Variants in ADAMTS20 observed in about 807,000 individuals in gnomAD.
ADAMTS20 encodes A disintegrin and metalloproteinase with thrombospondin motifs 20.
ADAMTS20 carries 225 observed loss-of-function variants against 260.1 expected under a neutral mutation model. That is an observed-to-expected ratio of 0.87 (90% confidence interval 0.78 to 0.97). ADAMTS20 has a LOEUF of 0.97. Ranked by LOEUF, ADAMTS20 falls within the 50% of genes least tolerant of loss-of-function variation. The probability of loss-of-function intolerance (pLI) is 0.00; values close to 1 mark genes in which losing one functional copy is unlikely to be tolerated. For missense variants in ADAMTS20, 2,400 were observed against 2,337.7 expected, an observed-to-expected ratio of 1.03 and a Z score of -0.55; for synonymous variants, 802 against 769.5, an observed-to-expected ratio of 1.04 and a Z score of -0.70.
intron 7 of ADAMTS20, among the ~76,000 whole-genome samples, chr12:43,475,750 T>C (rs1323980354): frequency 2.7e-5 from 4 of 150,552 alleles, no homozygotes; most frequent in Non-Finnish European, 5.9e-5. Flanking sequence ...GGGAAAGGAT[T>C]CCCTATTTAA....
chr12:43,408,505 A>G (rs972801882), intron 28 of ADAMTS20, among the ~76,000 whole-genome samples: 12 of 152,230 alleles, frequency 7.9e-5, no homozygotes, highest in African/African-American at 2.9e-4. Context: ...TAACAGCCAT[A>G]AAGCCAAGAA....
At chr12:43,416,058 C>T (rs967303274) in intron 28 of ADAMTS20, among the ~76,000 whole-genome samples, 3 of 152,100 alleles carry the variant, frequency 2.0e-5, no homozygotes, top group African/African-American at 7.2e-5. Flanking sequence ...TTGTCTTATA[C>T]CTCTTTTACT....
At chr12:43,510,927 A>G (rs1468611751) in intron 3 of ADAMTS20, among the ~76,000 whole-genome samples, 1 of 152,084 alleles carries the variant, frequency 6.6e-6, no homozygotes, top group Non-Finnish European at 1.5e-5. Flanking sequence ...AAACATGCAA[A>G]GCTGAATTCA....
chr12:43,496,164 A>T (rs539662079), intron 4 of ADAMTS20, among the ~76,000 whole-genome samples: 1 of 152,338 alleles, frequency 6.6e-6, no homozygotes, highest in Non-Finnish European at 1.5e-5. Flanking sequence ...ATATTAAATG[A>T]TACATAAAAT....
intron 11 of ADAMTS20, among the ~76,000 whole-genome samples, chr12:43,458,806 C>A (rs538401632): frequency 1.3e-5 from 2 of 152,280 alleles, no homozygotes; most frequent in East Asian, 1.9e-4. Context: ...AGAGACAGGA[C>A]TAGCTGGATT....
At chr12:43,448,926 C>A (rs2137344665) in intron 14 of ADAMTS20, among the ~76,000 whole-genome samples, 1 of 151,982 alleles carries the variant, frequency 6.6e-6, no homozygotes, top group East Asian at 1.9e-4. Flanking sequence ...CAAATCAAAA[C>A]CAAAATAAGA....
At position 43,455,870 on chromosome 12, in the gene ADAMTS20, C is replaced by T. The variant is rs565535797; in HGVS notation, c.1615-1818G>A. On this transcript the variant is annotated intron_variant, in intron 11 of 38. Transcript: ENST00000389420. ...ACTACAGGCGCACGCCACCACAACC[C>T]GCTAATTTTTGTATTTTTAGTAGAG... 2.4e-3 allele frequency among the ~76,000 whole-genome samples: 360 copies of T among 151,984 alleles called. 7 individuals are homozygous for T. In the East Asian group the frequency reaches 0.027, roughly 11 times the overall value.
chr12:43,393,229 A>G (rs1940631710), intron 29 of ADAMTS20, among the ~76,000 whole-genome samples: 1 of 152,044 alleles, frequency 6.6e-6, no homozygotes, highest in Non-Finnish European at 1.5e-5. Context: ...CATTATTTTA[A>G]CAGTGTTATA....
At chr12:43,501,763 A>G (rs904459992) in intron 4 of ADAMTS20, among the ~76,000 whole-genome samples, 2 of 152,204 alleles carry the variant, frequency 1.3e-5, no homozygotes, top group Non-Finnish European at 2.9e-5. Flanking sequence ...GAATATAGCC[A>G]TAATAAAAAT....
intron 28 of ADAMTS20, among the ~76,000 whole-genome samples, chr12:43,417,532 C>G (rs1229912013): frequency 1.3e-5 from 2 of 152,080 alleles, no homozygotes; most frequent in East Asian, 3.8e-4. Context: ...AGGATTACAA[C>G]CAGGAAGCGG....
rs764010136 is a variant in ADAMTS20 at position 43,376,593 on chromosome 12, C to T, written c.5056G>A (p.Gly1686Ser). ...KRQVKCITKH[G>S]LSSDLCLNHL... Reference sequence around the variant, plus strand: ...TTTAAACATAAGTCACTGGACAAACCATGTTTGGTAATGCATTTCACTTGT... The same window carrying T: ...TTTAAACATAAGTCACTGGACAAACTATGTTTGGTAATGCATTTCACTTGT... The change falls in exon 33 of 39, where the codon GGT (glycine) becomes AGT (serine). Residue 1686 changes from glycine to serine, a missense_variant. By Grantham distance (56) the Gly-to-Ser change is moderately conservative (BLOSUM62 0). Transcript: ENST00000389420. The T allele has an allele frequency of 6.2e-7, 1 of 1,613,478 alleles. No homozygotes were observed. Among genetic ancestry groups the T allele is most frequent in the East Asian group, 2.2e-5 (1 of 44,872 alleles).
intron 37 of ADAMTS20, 149 bp from the exon 38 acceptor site, chr12:43,356,737 G>A (rs1321530459): frequency 7.2e-6 from 4 of 557,172 alleles, no homozygotes; most frequent in Non-Finnish European, 1.3e-5. Flanking sequence ...AGGACTCTAT[G>A]ATTCGACAAT....
intron 36 of ADAMTS20, among the ~76,000 whole-genome samples, chr12:43,371,180 C>T (rs973973048): frequency 6.6e-6 from 1 of 152,142 alleles, no homozygotes. Context: ...TCTCTGATAT[C>T]GCCAAAATGC....
At chr12:43,510,284 C>A (rs553959458) in intron 3 of ADAMTS20, among the ~76,000 whole-genome samples, 1 of 151,910 alleles carries the variant, frequency 6.6e-6, no homozygotes, top group East Asian at 1.9e-4. Context: ...GTAAGTGAGA[C>A]AGAAGACAGA....
intron 19 of ADAMTS20, 23 bp from the exon 20 acceptor site, chr12:43,432,834 C>T (rs757478994): frequency 1.3e-6 from 2 of 1,564,712 alleles, no homozygotes; most frequent in Non-Finnish European, 1.8e-6. Context: ...TGTTACTATA[C>T]TTAGGAGGTA....
At chr12:43,364,245 A>G (rs1333786651) in intron 37 of ADAMTS20, among the ~76,000 whole-genome samples, 1 of 152,192 alleles carries the variant, frequency 6.6e-6, no homozygotes, top group Non-Finnish European at 1.5e-5. Flanking sequence ...AAGCCTCAAA[A>G]GGGAGGGTGA....
At position 43,551,095 on chromosome 12, in the gene ADAMTS20, G is replaced by C. The variant is rs1039380050; in HGVS notation, c.267C>G (p.Phe89Leu). 3.7e-6 allele frequency: 6 copies of C among 1,613,818 alleles called. No individual in the cohort carries two copies. The highest frequency in any genetic ancestry group is 5.1e-6 in the Non-Finnish European group (6 of 1,179,886). ...ATGCATCGGCGGTCAGGTTCAGCTG[G>C]AAGAGCTGCCCGTAGGCAGTGAAGC... ...HYRFTAYGQLFQLNLTADASF... is the reference protein window; with the variant it reads ...HYRFTAYGQLLQLNLTADASF... The change falls in exon 2 of 39, where the codon TTC becomes TTG. Residue 89 changes from phenylalanine to leucine, a missense_variant. By Grantham distance (22) the Phe-to-Leu change is conservative. Transcript: ENST00000389420. The surrounding 1 kb of genome is among the most constrained non-coding windows in gnomAD (Gnocchi z 4.6).
At chr12:43,505,546 T>C (rs899250530) in intron 3 of ADAMTS20, among the ~76,000 whole-genome samples, 5 of 152,088 alleles carry the variant, frequency 3.3e-5, no homozygotes, top group African/African-American at 1.2e-4. Context: ...CTCAGCACAA[T>C]TAATCATTAA....
chr12:43,379,905 G>C (rs11182044), intron 31 of ADAMTS20, among the ~76,000 whole-genome samples: 37,713 of 151,796 alleles, frequency 0.25, 5,287 homozygotes, highest in African/African-American at 0.38. Flanking sequence ...TCTGCCAAAA[G>C]TATTCCACAG....
Sources: allele counts gnomAD v4.1 joint callset (sites outside exome capture counted in the v4.1 genomes callset), GRCh38; gene constraint gnomAD v4.1.1; non-coding constraint Gnocchi (gnomAD v3.1); transcripts MANE v1.5; gene names NCBI Gene and HGNC (gene_info 2026-07-23, HGNC 2026-07-21).